The following SGCD variants were observed in gnomAD, a reference collection of about 807,000 sequenced individuals.
SGCD encodes the protein delta-sarcoglycan.
A neutral mutation model predicts 36.6 loss-of-function variants in SGCD; 18 were observed. The observed-to-expected ratio is 0.49, with a 90% CI of 0.34 to 0.73. The LOEUF is 0.73. Among genes scored for constraint, SGCD ranks in the 30% least tolerant of loss-of-function variants. SGCD has a pLI of 0.01. For synonymous variants in SGCD, 133 were observed against 130.6 expected (o/e 1.02, Z -0.12); for missense variants, 387 against 346.7 (o/e 1.12, Z -0.92).
chr5:156,025,867 T>C (rs920808670), intron 1 of SGCD, among the ~76,000 whole-genome samples: 1 of 152,224 alleles, frequency 6.6e-6, no homozygotes, highest in Non-Finnish European at 1.5e-5. Flanking sequence ...CATCTGGTGG[T>C]AGTTTTGTTC....
intron 1 of SGCD, among the ~76,000 whole-genome samples, chr5:155,935,616 T>G (rs1191892885): frequency 6.6e-6 from 1 of 152,192 alleles, no homozygotes; most frequent in East Asian, 1.9e-4. Flanking sequence ...GTGAGGAGCA[T>G]GCAGGCAAGG....
intron 5 of SGCD, among the ~76,000 whole-genome samples, chr5:156,594,727 A>T (rs1385367718): frequency 6.6e-6 from 1 of 152,222 alleles, no homozygotes; most frequent in Non-Finnish European, 1.5e-5. Flanking sequence ...AAAGTAATTG[A>T]CAAGACCTGG....
chr5:155,852,176 T>C, the SGCD span, among the ~76,000 whole-genome samples: 1 of 152,220 alleles, frequency 6.6e-6, no homozygotes, highest in Admixed American at 6.5e-5. Context: ...TAGAGAACAA[T>C]GTCTCCTTCC....
intron 3 of SGCD, among the ~76,000 whole-genome samples, chr5:156,280,044 T>G (rs954688239): frequency 2.0e-5 from 3 of 152,200 alleles, no homozygotes; most frequent in Admixed American, 6.5e-5. Context: ...CTCCCTCATT[T>G]CTAAAAATAG....
In SGCD at chr5:156,185,850, TAGAGAGAGAG is replaced by T. The variant is rs201378824; in HGVS notation, c.-44+61858_-44+61867del. Among the ~76,000 whole-genome samples, 143 of 49,738 alleles carry T rather than the reference TAGAGAGAGAG, an allele frequency of 2.9e-3. 10 individuals are homozygous for T. Among genetic ancestry groups the T allele is most frequent in the African/African-American group, 7.1e-3 (99 of 14,010 alleles). The allele number at this position is 49,738 out of a possible 152,430, so 32.6% of individuals were successfully genotyped here. ...GTGTGTGTGTATATATATATATATA[TAGAGAGAGAG>T]AGAGAGAGAGAGAGAGAGAGAGAGA... On this transcript the variant is annotated intron_variant, in intron 3 of 9. Coordinates refer to the SGCD transcript ENST00000517913.
At chr5:155,963,288 G>C (rs570296994) in intron 1 of SGCD, among the ~76,000 whole-genome samples, 2 of 152,048 alleles carry the variant, frequency 1.3e-5, no homozygotes, top group African/African-American at 4.8e-5. Context: ...AGCATATCTG[G>C]AATAATGTAG....
chr5:156,681,730 G>A (rs1753730703), intron 7 of SGCD, among the ~76,000 whole-genome samples: 2 of 152,208 alleles, frequency 1.3e-5, no homozygotes, highest in African/African-American at 4.8e-5. Flanking sequence ...TCAACCTATA[G>A]ATGATGGGGG....
chr5:156,734,708 A>C (rs1176610411), intron 7 of SGCD, among the ~76,000 whole-genome samples: 2 of 152,084 alleles, frequency 1.3e-5, no homozygotes, highest in Non-Finnish European at 2.9e-5. Flanking sequence ...TTTTACCTCT[A>C]TCAGTTTGGT....
chr5:156,709,934 T>C (rs1171498140), intron 7 of SGCD, among the ~76,000 whole-genome samples: 1 of 151,644 alleles, frequency 6.6e-6, no homozygotes, highest in Non-Finnish European at 1.5e-5. Flanking sequence ...CTTCACAGTC[T>C]TCTAGCCATA....
chr5:156,276,406 T>G (rs923018882), intron 3 of SGCD, among the ~76,000 whole-genome samples: 1 of 152,194 alleles, frequency 6.6e-6, no homozygotes, highest in Non-Finnish European at 1.5e-5. Flanking sequence ...TCAGGGTAGA[T>G]GAGTTAACTT....
chr5:155,868,068 T>C (rs1015807698), upstream of SGCD, among the ~76,000 whole-genome samples: 1 of 152,018 alleles, frequency 6.6e-6, no homozygotes, highest in Non-Finnish European at 1.5e-5. Flanking sequence ...TTTTTTTTTT[T>C]CGAGATGGAG....
the SGCD span, among the ~76,000 whole-genome samples, chr5:155,738,906 T>C: frequency 1.3e-5 from 2 of 149,190 alleles, no homozygotes; most frequent in South Asian, 2.1e-4. Context: ...TGTGAGAGAG[T>C]ATGTGAGAGT....
chr5:155,886,327 G>T (rs2113304694), intron 1 of SGCD, among the ~76,000 whole-genome samples: 1 of 152,214 alleles, frequency 6.6e-6, no homozygotes, highest in Admixed American at 6.5e-5. Context: ...ACGCCAAAAG[G>T]AACTCCTCAA....
At chr5:156,317,095 T>C (rs548645242) in intron 3 of SGCD, among the ~76,000 whole-genome samples, 46 of 152,220 alleles carry the variant, frequency 3.0e-4, no homozygotes, top group African/African-American at 1.0e-3. Context: ...AGGGTAGAAT[T>C]TGGTTGGCTT....
chr5:155,764,033 A>T, the SGCD span, among the ~76,000 whole-genome samples: 1 of 152,152 alleles, frequency 6.6e-6, no homozygotes, highest in East Asian at 1.9e-4. Context: ...GAAAATTGTC[A>T]AACTAATTAT....
At chr5:156,375,029 A>G (rs192640121) in intron 3 of SGCD, among the ~76,000 whole-genome samples, 2 of 152,318 alleles carry the variant, frequency 1.3e-5, no homozygotes, top group African/African-American at 4.8e-5. Flanking sequence ...AGATTTACCA[A>G]AAAATTGCAA....
chr5:156,522,173 T>C (rs756894377), intron 4 of SGCD, among the ~76,000 whole-genome samples: 3 of 151,426 alleles, frequency 2.0e-5, no homozygotes, highest in Non-Finnish European at 4.4e-5. Context: ...GCAGGGAACA[T>C]CACACACCAG....
At chr5:156,545,268 G>A (rs1758523469) in intron 4 of SGCD, among the ~76,000 whole-genome samples, 1 of 152,120 alleles carries the variant, frequency 6.6e-6, no homozygotes, top group African/African-American at 2.4e-5. Context: ...TACAGTGAAA[G>A]GAAAGAGAAG....
intron 3 of SGCD, among the ~76,000 whole-genome samples, chr5:156,306,234 C>G (rs780378790): frequency 6.6e-6 from 1 of 152,142 alleles, no homozygotes; most frequent in Non-Finnish European, 1.5e-5. Flanking sequence ...GCGAGAGACA[C>G]CTGGTGGGAG....
Sources: allele counts gnomAD v4.1 joint callset (sites outside exome capture counted in the v4.1 genomes callset), GRCh38; gene constraint gnomAD v4.1.1; transcripts MANE v1.5; gene names NCBI Gene and HGNC (gene_info 2026-07-23, HGNC 2026-07-21).